Variants in TMPRSS15 observed in about 807,000 individuals in gnomAD.
TMPRSS15 encodes enteropeptidase.
A neutral mutation model predicts 125.3 loss-of-function variants in TMPRSS15; 128 were observed. The observed-to-expected ratio is 1.02, with a 90% CI of 0.89 to 1.18. TMPRSS15 has a LOEUF of 1.18. Among genes scored for constraint, TMPRSS15 ranks in the 50% most tolerant of loss-of-function variants. TMPRSS15 has a pLI of 0.00. For synonymous variants in TMPRSS15, 446 were observed against 423.2 expected, an observed-to-expected ratio of 1.05 and a Z score of -0.66; for missense variants, 1,283 against 1,212.7, an observed-to-expected ratio of 1.06 and a Z score of -0.86.
At chr21:18,474,661 AT>A (rs1158331245) in intron 1 of TMPRSS15, among the ~76,000 whole-genome samples, 13 of 152,334 alleles carry the variant, frequency 8.5e-5, no homozygotes, top group Admixed American at 8.5e-4. Flanking sequence ...AACAAAGAGA[AT>A]TCTTCAAAGA....
chr21:18,333,215 A>G (rs1316768491), intron 13 of TMPRSS15, among the ~76,000 whole-genome samples: 1 of 152,170 alleles, frequency 6.6e-6, no homozygotes. Context: ...TACCTGTGTA[A>G]CAAACCTGCA....
At chr21:18,389,246 G>GAAGA (rs2123084081) in intron 3 of TMPRSS15, among the ~76,000 whole-genome samples, 1 of 151,620 alleles carries the variant, frequency 6.6e-6, no homozygotes, top group South Asian at 2.1e-4. Flanking sequence ...GGGAGGGAAG[G>GAAGA]AAGAAGTAAA....
At chr21:18,433,584 A>G (rs2076221016) in intron 1 of TMPRSS15, among the ~76,000 whole-genome samples, 1 of 141,642 alleles carries the variant, frequency 7.1e-6, no homozygotes, top group South Asian at 2.4e-4. Context: ...GAATCACCTG[A>G]GCTTGAGAGG....
intron 12 of TMPRSS15, among the ~76,000 whole-genome samples, chr21:18,343,091 G>T (rs1015924411): frequency 6.6e-6 from 1 of 152,130 alleles, no homozygotes; most frequent in African/African-American, 2.4e-5. Context: ...TCAGAGTGGG[G>T]CAGGGTGGGT....
chr21:18,454,773 T>C (rs1320827518), intron 1 of TMPRSS15, among the ~76,000 whole-genome samples: 1 of 152,140 alleles, frequency 6.6e-6, no homozygotes, highest in African/African-American at 2.4e-5. Context: ...TTCTCATTGG[T>C]AAGGGCAGAT....
intron 10 of TMPRSS15, among the ~76,000 whole-genome samples, chr21:18,350,398 A>G (rs1398070137): frequency 1.3e-5 from 2 of 152,138 alleles, no homozygotes; most frequent in African/African-American, 2.4e-5. Context: ...GTTAAAAACT[A>G]TATTCAGAAT....
At chr21:18,277,657 CTCTTA>C (rs1490157954) in intron 23 of TMPRSS15, among the ~76,000 whole-genome samples, 2 of 152,192 alleles carry the variant, frequency 1.3e-5, no homozygotes, top group Non-Finnish European at 2.9e-5. Flanking sequence ...TTTGTGCTTT[CTCTTA>C]TAATAGGTAA....
At chr21:18,381,489 AC>A (rs1416745481) in intron 4 of TMPRSS15, among the ~76,000 whole-genome samples, 1 of 152,160 alleles carries the variant, frequency 6.6e-6, no homozygotes, top group East Asian at 1.9e-4. Context: ...AAACTGAAAT[AC>A]CTACAATTAA....
At chr21:18,379,483 T>C (rs2075872930) in intron 4 of TMPRSS15, among the ~76,000 whole-genome samples, 165 bp from the exon 5 acceptor site, 1 of 152,114 alleles carries the variant, frequency 6.6e-6, no homozygotes, top group African/African-American at 2.4e-5. Flanking sequence ...GATTTAAAAA[T>C]AAATCTTTTA....
intron 1 of TMPRSS15, among the ~76,000 whole-genome samples, chr21:18,461,526 A>T (rs1978550634): frequency 6.6e-6 from 1 of 152,222 alleles, no homozygotes; most frequent in Non-Finnish European, 1.5e-5. Context: ...GCAAGGAATT[A>T]AGAAAAACTA....
intron 10 of TMPRSS15, among the ~76,000 whole-genome samples, chr21:18,348,139 T>C (rs1305687485): frequency 6.6e-6 from 1 of 151,728 alleles, no homozygotes; most frequent in Non-Finnish European, 1.5e-5. Context: ...GAGTTATGAT[T>C]ATGCCACTGT....
At position 18,420,065 on chromosome 21, in the gene TMPRSS15, A is replaced by T. The variant is rs540701217; in HGVS notation, c.11-21736T>A. On this transcript the variant is annotated intron_variant, in intron 1 of 7. Transcript: ENST00000422787. ...GTAGCCTAGCCTGAGTGATATGGTAATTTTAAAAATATGTATAGGAAAAGG... is the reference window on the plus strand; with the variant it reads ...GTAGCCTAGCCTGAGTGATATGGTATTTTTAAAAATATGTATAGGAAAAGG... Among the ~76,000 whole-genome samples, 14 of 152,314 alleles carry T rather than the reference A, an allele frequency of 9.2e-5. No individual in the cohort carries two copies. The South Asian group carries it at 2.7e-3, about 29-fold the overall frequency.
chr21:18,363,714 ATG>A (rs761592416), intron 7 of TMPRSS15, among the ~76,000 whole-genome samples: 1 of 151,394 alleles, frequency 6.6e-6, no homozygotes, highest in Admixed American at 6.6e-5. Flanking sequence ...TGAAGTGATT[ATG>A]TGTGTGTGTG....
chr21:18,286,481 ACT>A (rs2074766691), intron 21 of TMPRSS15, among the ~76,000 whole-genome samples: 1 of 152,014 alleles, frequency 6.6e-6, no homozygotes, highest in Admixed American at 6.6e-5. Context: ...CAGAACTCTC[ACT>A]CTCTTTCCAA....
At chr21:18,305,212 G>T (rs1173237051) in intron 18 of TMPRSS15, among the ~76,000 whole-genome samples, 1 of 88,544 alleles carries the variant, frequency 1.1e-5, no homozygotes, top group Non-Finnish European at 2.1e-5. Context: ...TTTTTGAGAC[G>T]GAGTCTCCCT....
chr21:18,329,023 G>T, intron 15 of TMPRSS15, 146 bp downstream of exon 15: 2 of 861,094 alleles, frequency 2.3e-6, no homozygotes, highest in Non-Finnish European at 3.7e-6. Context: ...TATATTGTAA[G>T]TTCCACATAA....
intron 21 of TMPRSS15, among the ~76,000 whole-genome samples, chr21:18,287,043 C>T (rs1157245795): frequency 6.6e-6 from 1 of 152,188 alleles, no homozygotes; most frequent in African/African-American, 2.4e-5. Flanking sequence ...AACCTTCTTG[C>T]TCTTATCATA....
chr21:18,331,945 T>A lies in TMPRSS15; in HGVS notation c.1654+139A>T, dbSNP rs1052895995. The A allele has an allele frequency of 5.5e-6, 4 of 724,324 alleles. No individual in the cohort carries two copies. The African/African-American group carries it at 7.0e-5, about 13-fold the overall frequency. 44.9% of individuals were successfully genotyped at this position (724,324 alleles called of 1,614,324 possible). On this transcript the variant is annotated intron_variant, in intron 14 of 24. Transcript: ENST00000284885. ...TAGCAATTATTGTTATTTTTGTTGT[T>A]ATATTAAGCAATCTTATAGGTAGAC... is the stretch of plus-strand genomic sequence containing the variant.
At chr21:18,325,091 C>CAT (rs372933208) in intron 16 of TMPRSS15, among the ~76,000 whole-genome samples, 1,748 of 151,988 alleles carry the variant, frequency 0.012, 24 homozygotes, top group African/African-American at 0.037. Flanking sequence ...CACACACACA[C>CAT]GCTTATGTAA....
Sources: allele counts gnomAD v4.1 joint callset (sites outside exome capture counted in the v4.1 genomes callset), GRCh38; gene constraint gnomAD v4.1.1; transcripts MANE v1.5; gene names NCBI Gene and HGNC (gene_info 2026-07-23, HGNC 2026-07-21).